Variants in LRRIQ1 observed in about 807,000 individuals in gnomAD.
LRRIQ1 encodes leucine-rich repeat- and IQ domain-containing protein 1.
LRRIQ1 carries 210 observed loss-of-function variants against 211.9 expected under a neutral mutation model. The ratio of observed to expected loss-of-function variants is 0.99; its 90% confidence interval spans 0.89 to 1.11. LRRIQ1 has a LOEUF of 1.11. Among genes scored for constraint, LRRIQ1 ranks in the 50% most tolerant of loss-of-function variants. The pLI, the probability that LRRIQ1 is intolerant of heterozygous loss-of-function variation, is 0.00. For synonymous variants in LRRIQ1, 699 were observed against 650.1 expected (o/e 1.08, Z -1.14); for missense variants, 2,136 against 1,939.5 (o/e 1.10, Z -1.90).
intron 24 of LRRIQ1, among the ~76,000 whole-genome samples, chr12:85,185,317 T>C (rs1215045766): frequency 1.3e-5 from 2 of 151,912 alleles, no homozygotes; most frequent in Non-Finnish European, 2.9e-5. Context: ...TGTGTATATG[T>C]ATGTGTCTAA....
Position 85,121,756 on chromosome 12 carries a change from C to G in LRRIQ1, c.3437C>G (p.Ser1146Cys), listed in dbSNP as rs750981585. The change falls in exon 16 of 27, where the codon TCT becomes TGT. Residue 1146 changes from serine to cysteine, a missense_variant. Ser to Cys is a moderately radical substitution (Grantham distance 112). Coordinates refer to ENST00000393217, the MANE Select transcript of LRRIQ1 (RefSeq NM_001079910.2). The part of the protein sequence containing the change: ...LRILNGNILN[S>C]NSESRTEEHN... ...ATCCTCAATGGCAATATACTAAACTCTAATTCAGAAAGCCGCACTGAAGAA... is the reference window on the plus strand; with the variant it reads ...ATCCTCAATGGCAATATACTAAACTGTAATTCAGAAAGCCGCACTGAAGAA... 9 of 1,609,232 alleles carry G rather than the reference C, an allele frequency of 5.6e-6. No homozygotes were observed. The highest frequency in any genetic ancestry group is 1.1e-5 in the South Asian group (1 of 90,244).
chr12:85,254,622 G>A (rs1896037809), intron 1 of LRRIQ1, among the ~76,000 whole-genome samples: 1 of 151,940 alleles, frequency 6.6e-6, no homozygotes, highest in African/African-American at 2.4e-5. Flanking sequence ...TAATTAACTA[G>A]CATATTAATT....
chr12:85,125,281 A>G (rs1388074874), intron 17 of LRRIQ1, among the ~76,000 whole-genome samples: 1 of 152,212 alleles, frequency 6.6e-6, no homozygotes, highest in East Asian at 1.9e-4. Context: ...CTTTGCACAT[A>G]TTTGAATGTA....
intron 13 of LRRIQ1, among the ~76,000 whole-genome samples, chr12:85,099,244 A>G (rs548781272): frequency 6.6e-6 from 1 of 151,916 alleles, no homozygotes; most frequent in South Asian, 2.1e-4. Context: ...CTTCTCAAAG[A>G]TGCACTTGTA....
At chr12:85,069,801 G>A (rs1171714655) in intron 10 of LRRIQ1, among the ~76,000 whole-genome samples, 2 of 151,818 alleles carry the variant, frequency 1.3e-5, no homozygotes, top group East Asian at 3.9e-4. Flanking sequence ...TTTTTTTCTT[G>A]TGAGTTTGTT....
chr12:85,108,491 G>A (rs986145790), intron 15 of LRRIQ1, among the ~76,000 whole-genome samples: 1 of 151,986 alleles, frequency 6.6e-6, no homozygotes, highest in African/African-American at 2.4e-5. Context: ...CTATAGTTCT[G>A]CCTTCAGTTT....
In LRRIQ1 at chr12:85,055,758, A is replaced by G; in HGVS notation, c.965A>G (p.Lys322Arg). ...AAGAAAAGGAAAGCACAAGAGTGGA[A>G]GGAAAAGGAAGCAAAAATACGACAA... ...ESKKRKAQEW[K>R]EKEAKIRQKE... The change falls in exon 8 of 27, where the codon AAG becomes AGG. Residue 322 changes from lysine to arginine, a missense_variant. Lys to Arg is a conservative substitution (Grantham distance 26). Transcript: ENST00000393217. The G allele has an allele frequency of 6.2e-7, 1 of 1,609,850 alleles. No individual in the cohort carries two copies. The highest frequency in any genetic ancestry group is 1.1e-5 in the South Asian group (1 of 90,666).
At chr12:85,047,574 T>A in intron 6 of LRRIQ1, 104 bp downstream of exon 6, 1 of 891,006 alleles carries the variant, frequency 1.1e-6, no homozygotes, top group Non-Finnish European at 1.7e-6. Flanking sequence ...GTATGACTTT[T>A]AATTACTCTC....
At chr12:85,270,983 G>A in the LRRIQ1 span, among the ~76,000 whole-genome samples, 1 of 152,156 alleles carries the variant, frequency 6.6e-6, no homozygotes, top group Non-Finnish European at 1.5e-5. Flanking sequence ...TTGCTTATCT[G>A]TATAATGAAA....
intron 23 of LRRIQ1, among the ~76,000 whole-genome samples, chr12:85,160,011 G>A (rs1034318272): frequency 2.0e-5 from 3 of 151,952 alleles, no homozygotes; most frequent in Non-Finnish European, 2.9e-5. Flanking sequence ...AAGACTAATG[G>A]AAATTGTCAG....
chr12:85,251,952 T>C (rs932661850), intron 1 of LRRIQ1, among the ~76,000 whole-genome samples: 5 of 152,008 alleles, frequency 3.3e-5, no homozygotes, highest in Non-Finnish European at 7.4e-5. Flanking sequence ...ACTCAAACTT[T>C]TCTCTGTGCC....
chr12:85,040,472 T>C lies in LRRIQ1; in HGVS notation c.133-18T>C. 7.0e-7 allele frequency: 1 copy of C among 1,438,330 alleles called. No individual in the cohort carries two copies. The highest frequency in any genetic ancestry group is 9.5e-7 in the Non-Finnish European group (1 of 1,050,226). The allele number at this position is 1,438,330 out of a possible 1,614,324, so 89.1% of individuals were successfully genotyped here. ...TAATAAACACTTTCACAGTTTCTTG[T>C]ATTATTCAAATTTTTAGGATTCAGT... On this transcript the variant is annotated intron_variant, in intron 2 of 26. Coordinates refer to ENST00000393217, the MANE Select transcript of LRRIQ1 (RefSeq NM_001079910.2).
At chr12:85,049,560 T>A (rs1244662444) in intron 6 of LRRIQ1, among the ~76,000 whole-genome samples, 1 of 152,192 alleles carries the variant, frequency 6.6e-6, no homozygotes, top group Non-Finnish European at 1.5e-5. Flanking sequence ...ATAAGCATGT[T>A]CAATTTCCTC....
intron 26 of LRRIQ1, among the ~76,000 whole-genome samples, chr12:85,243,986 G>A (rs1895595282): frequency 6.6e-6 from 1 of 151,510 alleles, no homozygotes; most frequent in Admixed American, 6.6e-5. Flanking sequence ...CAAGCATAGT[G>A]TGGTTTTGGT....
intron 24 of LRRIQ1, among the ~76,000 whole-genome samples, chr12:85,179,621 G>T (rs1891882074): frequency 6.6e-6 from 1 of 151,894 alleles, no homozygotes; most frequent in East Asian, 1.9e-4. Context: ...TACTAAAATA[G>T]TTCAGTATAT....
chr12:85,096,287 T>C (rs547762537), intron 11 of LRRIQ1, among the ~76,000 whole-genome samples: 1 of 152,300 alleles, frequency 6.6e-6, no homozygotes, highest in Admixed American at 6.5e-5. Context: ...AACTTCTTGA[T>C]GTAGGCATTT....
intron 10 of LRRIQ1, among the ~76,000 whole-genome samples, chr12:85,072,051 T>G (rs1326943639): frequency 6.6e-6 from 1 of 152,200 alleles, no homozygotes; most frequent in East Asian, 1.9e-4. Context: ...TATTTTGAGT[T>G]AAATATTTCA....
chr12:85,115,282 A>T (rs1887492199), intron 15 of LRRIQ1, among the ~76,000 whole-genome samples: 1 of 152,206 alleles, frequency 6.6e-6, no homozygotes. Context: ...ATAAACTCTT[A>T]TAAGTCTGCA....
At chr12:85,206,502 T>G (rs982079546) in intron 24 of LRRIQ1, among the ~76,000 whole-genome samples, 1 of 152,020 alleles carries the variant, frequency 6.6e-6, no homozygotes, top group East Asian at 1.9e-4. Flanking sequence ...AATGGTCCAG[T>G]GGGGTACACA....
Sources: gnomAD v4.1 joint callset for allele counts (sites outside exome capture counted in the v4.1 genomes callset) on GRCh38, gnomAD v4.1.1 for gene constraint, MANE v1.5 for transcripts, NCBI Gene and HGNC (gene_info 2026-07-23, HGNC 2026-07-21) for gene names.